BIRC6: variants seen among roughly 807,000 people sequenced by gnomAD.
The protein encoded by BIRC6 is baculoviral IAP repeat containing 6.
In BIRC6, 98 loss-of-function variants were observed where a neutral mutation model predicts 503.3. The observed-to-expected ratio is 0.19, with a 90% CI of 0.17 to 0.23. BIRC6 has a LOEUF of 0.23. Among genes scored for constraint, BIRC6 ranks in the 10% least tolerant of loss-of-function variants. The pLI is 1.00. For synonymous variants in BIRC6, 2,240 were observed against 2,078.7 expected, an observed-to-expected ratio of 1.08 and a Z score of -2.11; for missense variants, 5,360 against 5,806.0, an observed-to-expected ratio of 0.92 and a Z score of 2.50.
At chr2:32,522,073 C>A (rs990078048) in intron 57 of BIRC6, 2 of 151,992 alleles carry the variant, frequency 1.3e-5, no homozygotes, top group South Asian at 2.1e-4. Flanking sequence ...CCTCTTTTCC[C>A]CCCCATCATT....
intron 45 of BIRC6, among the ~76,000 whole-genome samples, chr2:32,499,213 C>G (rs2052857741): frequency 6.6e-6 from 1 of 152,170 alleles, no homozygotes; most frequent in South Asian, 2.1e-4. Context: ...AAAATTAGAA[C>G]TCATTTCATT....
intron 71 of BIRC6, among the ~76,000 whole-genome samples, chr2:32,605,823 A>G (rs1212889434): frequency 6.6e-6 from 1 of 152,146 alleles, no homozygotes; most frequent in African/African-American, 2.4e-5. Context: ...GCACCACTGC[A>G]CTCCAGCCTG....
intron 65 of BIRC6, among the ~76,000 whole-genome samples, chr2:32,551,444 G>A (rs970692290): frequency 2.6e-5 from 4 of 151,882 alleles, no homozygotes; most frequent in South Asian, 2.1e-4. Context: ...CAGCATGCCC[G>A]GCTAATTTTT....
chr2:32,369,943 A>AT (rs1284240428), intron 1 of BIRC6, among the ~76,000 whole-genome samples: 10 of 32,304 alleles, frequency 3.1e-4, no homozygotes, highest in Admixed American at 7.4e-4. Flanking sequence ...AAAAAAAAAA[A>AT]AAATATATAT....
intron 23 of BIRC6, among the ~76,000 whole-genome samples, chr2:32,461,908 A>G (rs1282027907): frequency 6.6e-6 from 1 of 152,180 alleles, no homozygotes; most frequent in East Asian, 1.9e-4. Context: ...CCGAGATTAA[A>G]TAAGCTGATG....
chr2:32,479,891 GTGA>G (rs1279778677), intron 37 of BIRC6, among the ~76,000 whole-genome samples: 6 of 152,094 alleles, frequency 3.9e-5, no homozygotes, highest in African/African-American at 1.4e-4. Flanking sequence ...AAAATACAAA[GTGA>G]TGAAGACAGC....
intron 71 of BIRC6, among the ~76,000 whole-genome samples, chr2:32,606,852 C>T (rs891875583): frequency 6.6e-6 from 1 of 151,672 alleles, no homozygotes; most frequent in African/African-American, 2.4e-5. Context: ...CTAAAAAATA[C>T]AGAAATTAGT....
intron 58 of BIRC6, 110 bp downstream of exon 58, chr2:32,525,129 C>G: frequency 1.0e-6 from 1 of 981,766 alleles, no homozygotes; most frequent in Admixed American, 3.7e-5. Context: ...AAAAAGCTGA[C>G]TCGTAATGAT....
rs112273136 is a variant in BIRC6 at position 32,443,336 on chromosome 2, G to A, written c.4239-155G>A. 1.0e-3 allele frequency: 575 copies of A among 561,174 alleles called. 1 individual carries two copies. The highest frequency in any genetic ancestry group is 1.2e-3 in the Non-Finnish European group (378 of 323,152). 34.8% of individuals were successfully genotyped at this position (561,174 alleles called of 1,614,324 possible). ...ACCCTCCTTAGTATAATCAGTTCCC[G>A]CTATCTTTTGGTATTTTATATAGCT... On this transcript the variant is annotated intron_variant, in intron 19 of 73. Coordinates refer to ENST00000421745, the MANE Select transcript of BIRC6 (RefSeq NM_016252.4).
At chr2:32,507,850 G>T (rs368143863) in intron 50 of BIRC6, 130 bp from the exon 51 acceptor site, 4 of 770,946 alleles carry the variant, frequency 5.2e-6, no homozygotes, top group Non-Finnish European at 7.8e-6. Flanking sequence ...ATATTTTGTT[G>T]TATAAGTTTT....
chr2:32,532,011 C>G (rs1273769972), intron 61 of BIRC6: 1 of 458,980 alleles, frequency 2.2e-6, no homozygotes, highest in African/African-American at 2.0e-5. Flanking sequence ...ACGAAGCTGT[C>G]AATGTCTGTG....
chr2:32,547,739 C>T, intron 63 of BIRC6, 111 bp from the exon 64 acceptor site: 3 of 953,584 alleles, frequency 3.1e-6, no homozygotes, highest in Non-Finnish European at 4.5e-6. Flanking sequence ...TTTGAGCAGC[C>T]ACCAAACTGT....
At chr2:32,598,044 T>A in intron 69 of BIRC6, 76 bp downstream of exon 69, 1 of 1,274,938 alleles carries the variant, frequency 7.8e-7, no homozygotes, top group Non-Finnish European at 1.1e-6. Context: ...TATACAAAAC[T>A]GGAAATACTA....
intron 66 of BIRC6, among the ~76,000 whole-genome samples, chr2:32,582,861 A>G (rs1046444717): frequency 2.0e-5 from 3 of 152,198 alleles, no homozygotes; most frequent in East Asian, 3.8e-4. Context: ...TTCTCTTATT[A>G]TAGAGTTTTC....
intron 55 of BIRC6, among the ~76,000 whole-genome samples, chr2:32,517,839 C>A (rs1022420661): frequency 6.6e-6 from 1 of 152,032 alleles, no homozygotes; most frequent in Non-Finnish European, 1.5e-5. Flanking sequence ...TCTTAGTTTC[C>A]CAAAGTTCTG....
At chr2:32,549,624 G>T (rs1352357659) in intron 65 of BIRC6, 143 bp downstream of exon 65, 1 of 710,524 alleles carries the variant, frequency 1.4e-6, no homozygotes, top group East Asian at 3.3e-5. Flanking sequence ...GGTTTTTGGT[G>T]CCCTTAATTT....
rs751973111 is a variant in BIRC6, at chr2:32,401,345, G to A, written c.1217G>A (p.Arg406Gln). The A allele has an allele frequency of 3.1e-6, 5 of 1,613,902 alleles. No homozygotes were observed. The highest frequency in any genetic ancestry group is 2.2e-5 in the East Asian group (1 of 44,902). The part of the protein sequence containing the change: ...CPHFLAAATK[R>Q]GKICIWDVSK... ...CATTTTCTAGCTGCTGCAACTAAACGAGGAAAGATCTGCATATGGGATGTT... is the reference window on the plus strand; with the variant it reads ...CATTTTCTAGCTGCTGCAACTAAACAAGGAAAGATCTGCATATGGGATGTT... The change falls in exon 7 of 74, where the codon CGA (arginine) becomes CAA (glutamine). Residue 406 changes from arginine to glutamine, a missense_variant. Physicochemically the swap from Arg to Gln is conservative, Grantham distance 43. Around this residue, in one of 16 missense-constraint regions of BIRC6, gnomAD observed 92 missense variants for 176.7 expected, o/e 0.52. Coordinates refer to ENST00000421745, the MANE Select transcript of BIRC6 (RefSeq NM_016252.4).
chr2:32,595,293 T>C (rs2061611714), intron 68 of BIRC6, 149 bp downstream of exon 68: 4 of 553,608 alleles, frequency 7.2e-6, no homozygotes, highest in Non-Finnish European at 1.3e-5. Flanking sequence ...TTATCATCTT[T>C]GCCTCTTGAA....
At chr2:32,400,820 G>C (rs2040524670) in intron 6 of BIRC6, among the ~76,000 whole-genome samples, 1 of 152,098 alleles carries the variant, frequency 6.6e-6, no homozygotes, top group African/African-American at 2.4e-5. Flanking sequence ...CAAAGCTGTA[G>C]GAAACCAGTG....
Sources: allele counts gnomAD v4.1 joint callset (sites outside exome capture counted in the v4.1 genomes callset), GRCh38; gene constraint gnomAD v4.1.1; regional missense constraint gnomAD v4.1.1; transcripts MANE v1.5; gene names NCBI Gene and HGNC (gene_info 2026-07-23, HGNC 2026-07-21).